The following NUP35 variants were observed in gnomAD, a reference collection of about 807,000 sequenced individuals.
NUP35 encodes nucleoporin 35, also known as nucleoporin NUP35.
Under a neutral mutation model 41.5 loss-of-function variants are expected in NUP35, and 25 were observed. The ratio of observed to expected loss-of-function variants is 0.60; its 90% CI spans 0.44 to 0.84. NUP35 has a LOEUF of 0.84. Ranked by LOEUF, NUP35 falls within the 40% of genes least tolerant of loss-of-function variation. The pLI is 0.00. For synonymous variants in NUP35, 149 were observed against 130.7 expected, an observed-to-expected ratio of 1.14 and a Z score of -0.96; for missense variants, 396 against 396.6, an observed-to-expected ratio of 1.00 and a Z score of 0.01.
chr2:183,158,527 TAA>T, intron 7 of NUP35, 116 bp downstream of exon 7: 6 of 900,270 alleles, frequency 6.7e-6, no homozygotes, highest in Non-Finnish European at 9.7e-6. Flanking sequence ...TCTTAGTTTG[TAA>T]AATGTGATGA....
At chr2:183,121,552 G>A (rs1700067286), upstream of NUP35, among the ~76,000 whole-genome samples, 1 of 152,046 alleles carries the variant, frequency 6.6e-6, no homozygotes, top group Non-Finnish European at 1.5e-5. Flanking sequence ...AAGAAAATAG[G>A]GCTGGGCGCG....
chr2:183,144,293 T>A (rs1434985313), intron 4 of NUP35, among the ~76,000 whole-genome samples: 1 of 152,186 alleles, frequency 6.6e-6, no homozygotes, highest in Non-Finnish European at 1.5e-5. Context: ...TGTCCACAGT[T>A]TTTATTGGAG....
intron 1 of NUP35, among the ~76,000 whole-genome samples, chr2:183,126,324 T>C (rs930125751): frequency 2.6e-5 from 4 of 152,366 alleles, no homozygotes; most frequent in Middle Eastern, 6.8e-3. Context: ...CCTTCTACTG[T>C]GTCTGTATGT....
chr2:183,118,456 A>G (rs1700020585), intron 1 of NUP35: 1 of 152,256 alleles, frequency 6.6e-6, no homozygotes, highest in South Asian at 2.1e-4. Context: ...AGCACTTAAT[A>G]TAACTAATGT....
chr2:183,134,070 A>T (rs1172494565), intron 4 of NUP35, among the ~76,000 whole-genome samples: 1 of 152,246 alleles, frequency 6.6e-6, no homozygotes, highest in African/African-American at 2.4e-5. Context: ...GTTAATGCAT[A>T]GTTATAAATC....
At chr2:183,120,535 G>A (rs1700053173), upstream of NUP35, among the ~76,000 whole-genome samples, 1 of 152,024 alleles carries the variant, frequency 6.6e-6, no homozygotes, top group Non-Finnish European at 1.5e-5. Context: ...GGAGTTGACT[G>A]CAATTGTATA....
In NUP35 at chr2:183,130,498, A is replaced by G. The variant is rs1248639328; in HGVS notation, c.292A>G (p.Ile98Val). ...ACCAGTTAGAAGTATATATGATGAC[A>G]TTTCTAGCCCAGGACTTGGATCAAC... ...APPVRSIYDD[I>V]SSPGLGSTPL... The change falls in exon 3 of 9, where the codon ATT (isoleucine) becomes GTT (valine). Residue 98 changes from isoleucine (I) to valine (V), a missense_variant. Physicochemically the swap from Ile to Val is conservative, Grantham distance 29. Coordinates refer to ENST00000295119, the MANE Select transcript of NUP35 (RefSeq NM_138285.5). 1.2e-6 allele frequency: 2 copies of G among 1,612,746 alleles called. No homozygotes were observed. The highest frequency in any genetic ancestry group is 1.1e-5 in the South Asian group (1 of 91,054).
chr2:183,144,791 T>TG (rs746570115), intron 4 of NUP35, among the ~76,000 whole-genome samples: 1 of 152,150 alleles, frequency 6.6e-6, no homozygotes, highest in African/African-American at 2.4e-5. Flanking sequence ...ATTAACTAGG[T>TG]GGGGGGCAAT....
intron 4 of NUP35, among the ~76,000 whole-genome samples, chr2:183,137,526 T>C (rs1283327761): frequency 6.6e-6 from 1 of 152,062 alleles, no homozygotes; most frequent in Non-Finnish European, 1.5e-5. Context: ...GTCAAGGCTG[T>C]AGTGAACAGT....
At chr2:183,124,400 C>A, upstream of NUP35, 1 of 1,613,968 alleles carries the variant, frequency 6.2e-7, no homozygotes, top group Non-Finnish European at 8.5e-7. Flanking sequence ...GGGAGCGTTT[C>A]CGCCATTTTT....
intron 5 of NUP35, among the ~76,000 whole-genome samples, 187 bp downstream of exon 5, chr2:183,151,836 TG>T (rs1685477456): frequency 6.6e-6 from 1 of 152,232 alleles, no homozygotes; most frequent in Non-Finnish European, 1.5e-5. Flanking sequence ...TCATTCTTTT[TG>T]TTGGTACATT....
intron 3 of NUP35, among the ~76,000 whole-genome samples, chr2:183,132,611 C>G (rs1684738708): frequency 1.3e-5 from 2 of 152,166 alleles, no homozygotes; most frequent in Admixed American, 1.3e-4. Flanking sequence ...GCAAGAACCA[C>G]TGGCTTCTAA....
intron 4 of NUP35, among the ~76,000 whole-genome samples, chr2:183,141,399 G>C (rs1256546108): frequency 6.6e-6 from 1 of 152,152 alleles, no homozygotes; most frequent in Non-Finnish European, 1.5e-5. Flanking sequence ...TTGGAGGGCT[G>C]TCATTTAGCC....
chr2:183,137,680 C>T (rs375032348), intron 4 of NUP35, among the ~76,000 whole-genome samples: 86 of 151,810 alleles, frequency 5.7e-4, no homozygotes, highest in Admixed American at 1.4e-3. Context: ...ATAATTCCAG[C>T]GCTATGGGAG....
intron 4 of NUP35, among the ~76,000 whole-genome samples, chr2:183,138,328 G>T (rs951448791): frequency 1.5e-5 from 2 of 132,138 alleles, no homozygotes; most frequent in Non-Finnish European, 3.1e-5. Flanking sequence ...TGGATGATTA[G>T]TAAATCTTAG....
At chr2:183,124,065 C>T (rs1459904988), upstream of NUP35, among the ~76,000 whole-genome samples, 2 of 152,176 alleles carry the variant, frequency 1.3e-5, no homozygotes, top group Non-Finnish European at 2.9e-5. Flanking sequence ...CTGTTTTCAT[C>T]AAGCTGACTT....
chr2:183,126,266 C>T (rs1441421980), intron 1 of NUP35, among the ~76,000 whole-genome samples: 1 of 152,180 alleles, frequency 6.6e-6, no homozygotes, highest in African/African-American at 2.4e-5. Context: ...TGAGCTCGAG[C>T]GATCCACCTG....
upstream of NUP35, chr2:183,123,723 C>T (rs1389332842): frequency 3.5e-6 from 3 of 867,740 alleles, no homozygotes; most frequent in East Asian, 1.2e-4. Context: ...ATGTGATTTA[C>T]GTATGACTAT....
upstream of NUP35, chr2:183,123,755 G>C (rs1427286724): frequency 1.0e-6 from 1 of 984,720 alleles, no homozygotes; most frequent in Non-Finnish European, 1.2e-6. Flanking sequence ...AAGCAGCAAA[G>C]TGAGGGGACG....
Sources: allele counts gnomAD v4.1 joint callset (sites outside exome capture counted in the v4.1 genomes callset), GRCh38; gene constraint gnomAD v4.1.1; transcripts MANE v1.5; gene names NCBI Gene and HGNC (gene_info 2026-07-23, HGNC 2026-07-21).